The following GSTT4 variants were observed in gnomAD, a reference collection of about 807,000 sequenced individuals.
GSTT4 encodes the protein glutathione S-transferase theta-4.
chr22:23,992,813 G>A, the GSTT4 span, among the ~76,000 whole-genome samples: 2 of 146,006 alleles, frequency 1.4e-5, no homozygotes, highest in African/African-American at 5.1e-5. Context: ...TCTTGCTGTT[G>A]CCCAGGCTGG....
At chr22:24,002,418 C>T (rs2034251853) in intron 2 of GSTT4, among the ~76,000 whole-genome samples, 12 of 152,252 alleles carry the variant, frequency 7.9e-5, no homozygotes, top group African/African-American at 2.2e-4. Context: ...TGGGAACCTC[C>T]GCAGAACAAG....
chr22:23,991,110 C>T, the GSTT4 span, among the ~76,000 whole-genome samples: 2 of 76,274 alleles, frequency 2.6e-5, 1 homozygote, highest in Non-Finnish European at 6.0e-5. Flanking sequence ...CCTGGAAGGT[C>T]AAGGCTGCAG....
chr22:23,994,230 A>G (rs1037623332), downstream of GSTT4, among the ~76,000 whole-genome samples: 6 of 152,100 alleles, frequency 3.9e-5, no homozygotes, highest in African/African-American at 1.2e-4. Flanking sequence ...TTTCATTATC[A>G]GATATAATTC....
At chr22:24,001,788 C>T (rs1232883213) in intron 2 of GSTT4, among the ~76,000 whole-genome samples, 4 of 152,262 alleles carry the variant, frequency 2.6e-5, no homozygotes, top group Non-Finnish European at 5.9e-5. Flanking sequence ...GAGTTGGAGA[C>T]CAGCCTGGCC....
chr22:24,000,703 T>C (rs2034210933), intron 3 of GSTT4, among the ~76,000 whole-genome samples: 1 of 143,296 alleles, frequency 7.0e-6, no homozygotes, highest in African/African-American at 2.9e-5. Context: ...GGATTACAGG[T>C]GCCCATCACC....
downstream of GSTT4, among the ~76,000 whole-genome samples, chr22:23,993,509 C>T (rs189277933): frequency 3.9e-4 from 59 of 152,332 alleles, no homozygotes; most frequent in African/African-American, 1.4e-3. Context: ...TCCAAATGCA[C>T]CTTAAACTTT....
At chr22:24,002,844 A>AAAC (rs1555896391) in intron 2 of GSTT4, among the ~76,000 whole-genome samples, 1 of 37,298 alleles carries the variant, frequency 2.7e-5, no homozygotes, top group African/African-American at 6.2e-5. Flanking sequence ...AAAAAAAAAA[A>AAAC]AAAAAACTTC....
intron 1 of GSTT4, chr22:24,004,071 C>T (rs1194328234): frequency 6.5e-6 from 1 of 153,572 alleles, no homozygotes; most frequent in African/African-American, 2.4e-5. Context: ...TTGGTGACTC[C>T]CGTGCCTCCT....
the GSTT4 span, among the ~76,000 whole-genome samples, chr22:23,992,181 C>A: frequency 1.4e-5 from 2 of 140,798 alleles, no homozygotes; most frequent in African/African-American, 2.6e-5. Context: ...GGGCTGCCAG[C>A]CCCACACCTC....
At chr22:24,001,873 C>G (rs1473379491) in intron 2 of GSTT4, among the ~76,000 whole-genome samples, 1 of 152,274 alleles carries the variant, frequency 6.6e-6, no homozygotes, top group Non-Finnish European at 1.5e-5. Context: ...CACCTGTAAT[C>G]CCAGCTACTT....
At chr22:23,995,028 TA>T (rs2034101987), downstream of GSTT4, among the ~76,000 whole-genome samples, 1 of 152,214 alleles carries the variant, frequency 6.6e-6, no homozygotes, top group South Asian at 2.1e-4. Flanking sequence ...GGATTTGCTC[TA>T]GTCTGTCCCT....
In GSTT4 at chr22:24,003,774, A is replaced by G. The variant is rs1490997495; in HGVS notation, c.186T>C (p.Phe62=). ...GGAAGACTTACCTTTCACTTAAGAT[A>G]AATTTCCCATCTTTGAGGCTGGGCA... is the stretch of plus-strand genomic sequence containing the variant. The part of the protein sequence containing the change: ...RKLPSLKDGK[F]ILSESAAILY... Residue 62 remains phenylalanine (F), a synonymous_variant, in exon 2 of 5, where the codon TTT becomes TTC. Transcript: ENST00000621179. The G allele has an allele frequency of 6.4e-6, 1 of 155,768 alleles. No homozygotes were observed. Among genetic ancestry groups the G allele is most frequent in the Admixed American group, 6.5e-5 (1 of 15,298 alleles). 9.6% of individuals were successfully genotyped at this position (155,768 alleles called of 1,614,324 possible).
chr22:24,003,158 T>TTTTTTA (rs1303176599), intron 2 of GSTT4, among the ~76,000 whole-genome samples: 13 of 105,792 alleles, frequency 1.2e-4, no homozygotes, highest in South Asian at 3.2e-4. Flanking sequence ...TTGTTTGTTT[T>TTTTTTA]AAGAACTCTT....
rs1351213418 is a variant in GSTT4 at position 23,998,437 on chromosome 22, G to GTTTTT, written c.*104_*105insAAAAA. 2.0e-5 allele frequency: 3 copies of GTTTTT among 146,832 alleles called. No homozygotes were observed. The highest frequency in any genetic ancestry group is 2.5e-4 in the East Asian group (1 of 3,926). The allele number at this position is 146,832 out of a possible 1,614,324, so 9.1% of individuals were successfully genotyped here. ...CCAGTTCTTTATTAGGCAAAGAACA[G>GTTTTT]TTGTTTTTTTGTTTTTTTGTTTTTT... On this transcript the variant is annotated 3_prime_UTR_variant, in exon 5 of 5. Transcript: ENST00000621179.
chr22:24,001,678 C>G (rs2034233585), intron 2 of GSTT4, among the ~76,000 whole-genome samples: 2 of 152,254 alleles, frequency 1.3e-5, no homozygotes, highest in African/African-American at 4.8e-5. Context: ...GGTGAAAGAT[C>G]AAGATCCTTT....
chr22:24,000,246 C>G lies in GSTT4; in HGVS notation c.357G>C (p.Leu119=), dbSNP rs2034198888. Residue 119 remains leucine (L), a synonymous_variant, in exon 4 of 5, where the codon CTG becomes CTC. Transcript: ENST00000621179. ...PMKKIVWLKL[L]IPKITGEEVS... is the part of the protein sequence containing the mutation. The stretch of plus-strand genomic sequence containing the variant: ...CTTCCTCCCCTGTTATCTTTGGGAT[C>G]AGCAACTGGCCAGGGTTGGGAAGAG... 6.5e-6 allele frequency: 1 copy of G among 153,544 alleles called. No homozygotes were observed. The highest frequency in any genetic ancestry group is 6.5e-5 in the Admixed American group (1 of 15,272). 9.5% of individuals were successfully genotyped at this position (153,544 alleles called of 1,614,324 possible). A position where few individuals can be genotyped will look rare whatever the true frequency, so the allele number is the denominator to read the frequency against.
chr22:23,990,801 G>GC, the GSTT4 span, among the ~76,000 whole-genome samples: 74 of 95,996 alleles, frequency 7.7e-4, no homozygotes, highest in Admixed American at 1.4e-3. Context: ...CCCTCGTTCT[G>GC]TGCCTGCTGT....
In GSTT4 at chr22:23,998,460, T is replaced by G. The variant is rs971267643; in HGVS notation, c.*82A>C. On this transcript the variant is annotated 3_prime_UTR_variant, in exon 5 of 5. Transcript: ENST00000621179. The stretch of plus-strand genomic sequence containing the variant: ...CAGTTGTTTTTTTGTTTTTTTGTTT[T>G]TTTTTTTTTAACATTTCCTTTAAGG... 2.7e-3 allele frequency: 104 copies of G among 38,588 alleles called. No individual in the cohort carries two copies. Among genetic ancestry groups the G allele is most frequent in the African/African-American group, 7.8e-3 (97 of 12,438 alleles). 2.4% of individuals were successfully genotyped at this position (38,588 alleles called of 1,614,324 possible).
At chr22:23,990,963 G>A in the GSTT4 span, among the ~76,000 whole-genome samples, 2 of 101,388 alleles carry the variant, frequency 2.0e-5, no homozygotes, top group African/African-American at 6.0e-5. Context: ...TTGAGCCCAG[G>A]AGTTCTAGGC....
Sources: gnomAD v4.1 joint callset for allele counts (sites outside exome capture counted in the v4.1 genomes callset) on GRCh38, gnomAD v4.1.1 for gene constraint, MANE v1.5 for transcripts, NCBI Gene and HGNC (gene_info 2026-07-23, HGNC 2026-07-21) for gene names.